The following TBCD variants were observed in gnomAD, a reference collection of about 807,000 sequenced individuals.
TBCD encodes the protein tubulin-specific chaperone D.
A neutral mutation model predicts 169.3 loss-of-function variants in TBCD; 105 were observed. That is an observed-to-expected ratio of 0.62 (90% CI 0.53 to 0.73). The LOEUF (loss-of-function observed/expected upper bound fraction) is 0.73. TBCD is among the 30% of genes least tolerant of loss of function. TBCD has a pLI of 0.00. For missense variants in TBCD, 1,444 were observed against 1,600.1 expected, an observed-to-expected ratio of 0.90 and a Z score of 1.66; for synonymous variants, 700 against 643.9, an observed-to-expected ratio of 1.09 and a Z score of -1.32.
At position 82,930,790 on chromosome 17, in the gene TBCD, A is replaced by T. The variant is rs150417465; in HGVS notation, c.3113+147A>T. 2 of 1,312,722 alleles carry T rather than the reference A, an allele frequency of 1.5e-6. No homozygotes were observed. Among genetic ancestry groups the T allele is most frequent in the Non-Finnish European group, 2.1e-6 (2 of 964,142 alleles). 81.3% of individuals were successfully genotyped at this position (1,312,722 alleles called of 1,614,324 possible). A position where few individuals can be genotyped will look rare whatever the true frequency, so the allele number is the denominator to read the frequency against. On this transcript the variant is annotated intron_variant, in intron 33 of 38. Transcript: ENST00000355528. The surrounding 1 kb of genome is among the most constrained non-coding windows in gnomAD (Gnocchi z 5.2). The stretch of plus-strand genomic sequence containing the variant: ...CGCTGTACCAGTTGGTGGCTCAGCG[A>T]GGAAGATGTGCCTGCAGCATATGGT...
At chr17:82,790,989 C>T (rs534224044) in intron 7 of TBCD, among the ~76,000 whole-genome samples, 49 of 152,176 alleles carry the variant, frequency 3.2e-4, no homozygotes, top group Admixed American at 1.5e-3. Flanking sequence ...CTCCCTTTGC[C>T]GCTGAGCCCG....
At chr17:82,823,142 A>G (rs968054753) in intron 13 of TBCD, among the ~76,000 whole-genome samples, 11 of 152,328 alleles carry the variant, frequency 7.2e-5, no homozygotes, top group African/African-American at 2.6e-4. Context: ...GGGACAGGGC[A>G]TTCCCTCCCT....
At chr17:82,756,058 G>C (rs1163498063) in intron 1 of TBCD, 107 bp from the exon 2 acceptor site, 1 of 959,580 alleles carries the variant, frequency 1.0e-6, no homozygotes, top group African/African-American at 1.6e-5. Flanking sequence ...AGCTGGGGAA[G>C]AGGTGGAGCT....
intron 12 of TBCD, 80 bp from the exon 13 acceptor site, chr17:82,814,760 C>A: frequency 1.5e-6 from 2 of 1,362,610 alleles, no homozygotes; most frequent in Non-Finnish European, 2.1e-6. Context: ...ACCTGCCAGG[C>A]TGTGCTCCTT....
At chr17:82,895,278 C>T (rs1365065564) in intron 17 of TBCD, among the ~76,000 whole-genome samples, 9 of 152,190 alleles carry the variant, frequency 5.9e-5, no homozygotes, top group African/African-American at 1.9e-4. Flanking sequence ...TCACGGGGAC[C>T]TGCAGTCATG....
rs1309654979 is a variant in TBCD, at chr17:82,900,723, C to CTGGG, written c.1723_1726dup (p.Asp576ValfsTer90). On this transcript the variant is annotated frameshift_variant, in exon 18 of 39. Coordinates refer to ENST00000355528, the MANE Select transcript of TBCD (RefSeq NM_005993.5). LOFTEE classifies it high-confidence loss of function. ...ACCTGGTTACCATGAAGATCAGCCACTGGGATGGGTAGGTTTTCTGTTTTT... is the reference window on the plus strand; with the variant it reads ...ACCTGGTTACCATGAAGATCAGCCACTGGGTGGGATGGGTAGGTTTTCTGTTTTT... 6.2e-7 allele frequency: 1 copy of CTGGG among 1,613,738 alleles called. No individual in the cohort carries two copies. The highest frequency in any genetic ancestry group is 8.5e-7 in the Non-Finnish European group (1 of 1,179,648).
intron 13 of TBCD, chr17:82,865,374 C>A: frequency 1.3e-6 from 1 of 787,594 alleles, no homozygotes; most frequent in Non-Finnish European, 1.5e-6. Flanking sequence ...CGCTGAGGGT[C>A]CCTCCACATC....
Position 82,833,264 on chromosome 17 carries a change from G to A in TBCD, c.1318+18330G>A, listed in dbSNP as rs773632787. On this transcript the variant is annotated intron_variant, in intron 13 of 38. Transcript: ENST00000355528. This position sits in a 1 kb window ranked among gnomAD's most constrained non-coding sequence, Gnocchi z 4.7. ...CTGGGAGCTCTCCCAAGTGCTGTGCGCCCCTGCCGTCGGCCTGTAGAACCC... is the reference window on the plus strand; with the variant it reads ...CTGGGAGCTCTCCCAAGTGCTGTGCACCCCTGCCGTCGGCCTGTAGAACCC... Among the ~76,000 whole-genome samples, 11 of 152,028 alleles carry A rather than the reference G, an allele frequency of 7.2e-5. No homozygotes were observed. Among genetic ancestry groups the A allele is most frequent in the Non-Finnish European group, 1.2e-4 (8 of 68,008 alleles).
intron 17 of TBCD, among the ~76,000 whole-genome samples, chr17:82,898,263 AGC>A (rs2059629217): frequency 8.5e-5 from 1 of 11,832 alleles, no homozygotes; most frequent in Non-Finnish European, 1.9e-4. Context: ...TTTTGGTGGG[AGC>A]ACACGGCACG....
chr17:82,759,660 A>G (rs1009578542), intron 2 of TBCD, among the ~76,000 whole-genome samples: 3 of 152,090 alleles, frequency 2.0e-5, no homozygotes, highest in Non-Finnish European at 4.4e-5. Context: ...TTGTCAAACT[A>G]TCAGTTTCTT....
At chr17:82,919,365 T>C (rs906359672) in intron 23 of TBCD, among the ~76,000 whole-genome samples, 2 of 152,194 alleles carry the variant, frequency 1.3e-5, no homozygotes, top group African/African-American at 4.8e-5. Context: ...GAGATAATTA[T>C]GTTGGGCCTT....
At chr17:82,879,540 G>A (rs1451489512) in intron 14 of TBCD, among the ~76,000 whole-genome samples, 3 of 149,538 alleles carry the variant, frequency 2.0e-5, no homozygotes, top group South Asian at 4.2e-4. Context: ...AGCCCTTCTG[G>A]TGCTGCTGGT....
At chr17:82,937,623 G>C (rs563274972) in intron 35 of TBCD, 13 of 599,792 alleles carry the variant, frequency 2.2e-5, no homozygotes, top group African/African-American at 1.9e-4. Flanking sequence ...GGGAGGCTCC[G>C]GAAAGGAGCT....
intron 12 of TBCD, among the ~76,000 whole-genome samples, chr17:82,814,522 T>C (rs1426266321): frequency 2.0e-5 from 3 of 152,170 alleles, no homozygotes; most frequent in African/African-American, 7.2e-5. Context: ...TGATTATTTG[T>C]TTTTTTATTT....
At chr17:82,791,249 G>T (rs1010509550) in intron 7 of TBCD, among the ~76,000 whole-genome samples, 1 of 151,962 alleles carries the variant, frequency 6.6e-6, no homozygotes, top group East Asian at 1.9e-4. Flanking sequence ...CCTCCACCAC[G>T]CCTGGCTAAT....
chr17:82,809,661 C>A, intron 11 of TBCD, 47 bp from the exon 12 acceptor site: 1 of 1,591,130 alleles, frequency 6.3e-7, no homozygotes, highest in South Asian at 1.1e-5. Flanking sequence ...ATGCCCTTGG[C>A]GACAGGCTGG....
chr17:82,774,644 A>G (rs930205911), intron 6 of TBCD, among the ~76,000 whole-genome samples: 4 of 151,728 alleles, frequency 2.6e-5, no homozygotes, highest in African/African-American at 9.7e-5. Context: ...GGCACCCCCC[A>G]CCTCCCAGAC....
chr17:82,775,246 C>T (rs1408367596), intron 6 of TBCD, among the ~76,000 whole-genome samples: 1 of 152,210 alleles, frequency 6.6e-6, no homozygotes, highest in East Asian at 1.9e-4. Context: ...TGCCTGGGGG[C>T]GTCGGTGCCG....
At chr17:82,841,900 T>C (rs1401990843) in intron 13 of TBCD, among the ~76,000 whole-genome samples, 1 of 152,190 alleles carries the variant, frequency 6.6e-6, no homozygotes, top group African/African-American at 2.4e-5. Context: ...TGGAACCTCA[T>C]CCTCACTTAG....
Sources: allele counts gnomAD v4.1 joint callset (sites outside exome capture counted in the v4.1 genomes callset), GRCh38; gene constraint gnomAD v4.1.1; non-coding constraint Gnocchi (gnomAD v3.1); transcripts MANE v1.5; gene names NCBI Gene and HGNC (gene_info 2026-07-23, HGNC 2026-07-21).